The following ANKRD40CL variants were observed in gnomAD, a reference collection of about 807,000 sequenced individuals.
ANKRD40CL encodes the protein ANKRD40 C-terminal like.
For missense variants in ANKRD40CL, 11 were observed against 6.4 expected, an observed-to-expected ratio of 1.71 and a Z score of -0.77; for synonymous variants, 5 against 2.3, an observed-to-expected ratio of 2.14 and a Z score of -1.04.
chr17:50,766,071 C>T (rs541205660), intron 2 of ANKRD40CL, among the ~76,000 whole-genome samples: 191 of 152,304 alleles, frequency 1.3e-3, no homozygotes, highest in Non-Finnish European at 2.3e-3. Flanking sequence ...GTTTGTGCCA[C>T]CCTGCCAGAT....
rs1364725247 is a variant in ANKRD40CL at position 50,766,951 on chromosome 17, G to T, written c.-38C>A. The T allele has an allele frequency of 4.3e-6, 3 of 702,062 alleles. No individual in the cohort carries two copies. The highest frequency in any genetic ancestry group is 7.8e-6 in the Non-Finnish European group (3 of 384,822). The allele number at this position is 702,062 out of a possible 1,614,324, so 43.5% of individuals were successfully genotyped here. ...GTCCGTCAGATGTGCAGCCCCTCTC[G>T]CATTTATGCACAAGCTCCCAACCAA... is the stretch of plus-strand genomic sequence containing the variant. On this transcript the variant is annotated 5_prime_UTR_variant, in exon 2 of 4. Transcript: ENST00000450727.
intron 3 of ANKRD40CL, among the ~76,000 whole-genome samples, chr17:50,761,902 T>A (rs9897385): frequency 0.45 from 67,816 of 149,776 alleles, 16,083 homozygotes; most frequent in Non-Finnish European, 0.53. Flanking sequence ...GGATTACAGG[T>A]GTGAGCCACT....
intron 3 of ANKRD40CL, chr17:50,763,149 C>T: frequency 3.0e-6 from 1 of 333,392 alleles, no homozygotes; most frequent in South Asian, 1.5e-4. Context: ...CCCACCTCGG[C>T]CTCCCAAAGT....
Position 50,763,441 on chromosome 17 carries a change from G to A in ANKRD40CL, c.157C>T (p.Arg53Ter), listed in dbSNP as rs143031243. The part of the protein sequence containing the change: ...SCCELGIKPE[R>*]VEKIRKLPNT... ...GGTAGCTTTCTGATCTTCTCCACTC[G>A]TTCTGGTTTAATCCCCAGTTCACAG... The change falls in exon 3 of 4, where the codon CGA becomes TGA. Residue 53 changes from arginine (R) to a stop codon, truncating the protein, a stop_gained. Coordinates refer to ENST00000450727, the MANE Select transcript of ANKRD40CL (RefSeq NM_001358683.3). LOFTEE classifies it low-confidence loss of function (END_TRUNC). 4,634 of 398,978 alleles carry A rather than the reference G, an allele frequency of 0.012. 31 individuals are homozygous for A. Among genetic ancestry groups the A allele is most frequent in the Middle Eastern group, 0.021 (34 of 1,588 alleles). The allele number at this position is 398,978 out of a possible 1,614,324, so 24.7% of individuals were successfully genotyped here.
rs1380885193 is a variant in ANKRD40CL, at chr17:50,763,568, A to G, written c.41-11T>C. The G allele has an allele frequency of 2.5e-6, 1 of 398,954 alleles. No homozygotes were observed. The highest frequency in any genetic ancestry group is 3.6e-5 in the East Asian group (1 of 28,090). 24.7% of individuals were successfully genotyped at this position (398,954 alleles called of 1,614,324 possible). A position where few individuals can be genotyped will look rare whatever the true frequency, so the allele number is the denominator to read the frequency against. ...GGTTCTGAATTCTGACTTTAAACACAAGCTCTAAATCACCCATAAATTCAA... is the reference window on the plus strand; with the variant it reads ...GGTTCTGAATTCTGACTTTAAACACGAGCTCTAAATCACCCATAAATTCAA... On this transcript the variant is annotated splice_polypyrimidine_tract_variant and intron_variant, in intron 2 of 3. Transcript: ENST00000450727.
At chr17:50,766,367 C>G (rs1007674215) in intron 2 of ANKRD40CL, among the ~76,000 whole-genome samples, 1 of 152,136 alleles carries the variant, frequency 6.6e-6, no homozygotes, top group Non-Finnish European at 1.5e-5. Context: ...ACACACAGCC[C>G]GAGAACTTTC....
At chr17:50,763,976 C>G in intron 2 of ANKRD40CL, 1 of 394,010 alleles carries the variant, frequency 2.5e-6, no homozygotes, top group Non-Finnish European at 4.5e-6. Flanking sequence ...AGGAGCAAAT[C>G]GCTCTTGAGA....
chr17:50,763,143 C>G, intron 3 of ANKRD40CL: 1 of 322,656 alleles, frequency 3.1e-6, no homozygotes, highest in Non-Finnish European at 5.6e-6. Context: ...GATCTGCCCA[C>G]CTCGGCCTCC....
intron 3 of ANKRD40CL, chr17:50,762,906 G>A (rs1971226607): frequency 6.7e-6 from 1 of 149,800 alleles, no homozygotes; most frequent in Non-Finnish European, 1.5e-5. Context: ...TCAGAGGTTT[G>A]TTTTTTTTTG....
chr17:50,767,034 T>C (rs975025114), intron 1 of ANKRD40CL, 23 bp from the exon 2 acceptor site: 3 of 701,746 alleles, frequency 4.3e-6, no homozygotes, highest in Non-Finnish European at 7.8e-6. Context: ...AACAGTGTGT[T>C]CTTGCCAGCC....
At chr17:50,765,381 C>A (rs908937073) in intron 2 of ANKRD40CL, among the ~76,000 whole-genome samples, 2 of 152,160 alleles carry the variant, frequency 1.3e-5, no homozygotes, top group African/African-American at 4.8e-5. Context: ...CCAAGCCATT[C>A]TGGTTTTTAG....
In ANKRD40CL at chr17:50,761,031, TG is replaced by T. The variant is rs1452216445; in HGVS notation, c.*331del. ...ATTTCAGTTTTTTAATTCCTGGGATTGATTATTTATTTATTTATTTATTTTG... is the reference window on the plus strand; with the variant it reads ...ATTTCAGTTTTTTAATTCCTGGGATTATTATTTATTTATTTATTTATTTTG... On this transcript the variant is annotated 3_prime_UTR_variant, in exon 4 of 4. Transcript: ENST00000450727. The T allele has an allele frequency of 1.3e-4, 18 of 136,984 alleles. No individual in the cohort carries two copies. The South Asian group carries it at 2.4e-3, about 18-fold the overall frequency. The allele number at this position is 136,984 out of a possible 1,614,324, so 8.5% of individuals were successfully genotyped here. A position where few individuals can be genotyped will look rare whatever the true frequency, so the allele number is the denominator to read the frequency against.
intron 2 of ANKRD40CL, chr17:50,763,853 A>C: frequency 2.7e-6 from 1 of 371,016 alleles, no homozygotes; most frequent in East Asian, 3.9e-5. Context: ...ATTTAAACAC[A>C]TCACCCTTGG....
intron 3 of ANKRD40CL, among the ~76,000 whole-genome samples, chr17:50,762,660 T>TTTGG: frequency 6.6e-6 from 1 of 152,172 alleles, no homozygotes; most frequent in Non-Finnish European, 1.5e-5. Flanking sequence ...TTTCCAAAAT[T>TTTGG]AAAAATTAAG....
intron 3 of ANKRD40CL, among the ~76,000 whole-genome samples, chr17:50,762,186 G>T (rs1031882873): frequency 5.3e-5 from 8 of 152,160 alleles, no homozygotes; most frequent in African/African-American, 1.7e-4. Context: ...CTCCCAAAGT[G>T]CTGGGATTAC....
rs372105050 is a variant in ANKRD40CL, at chr17:50,761,246, A to G, written c.*117T>C. 31 of 385,548 alleles carry G rather than the reference A, an allele frequency of 8.0e-5. No individual in the cohort carries two copies. Among genetic ancestry groups the G allele is most frequent in the Non-Finnish European group, 1.2e-4 (26 of 218,438 alleles). 23.9% of individuals were successfully genotyped at this position (385,548 alleles called of 1,614,324 possible). A position where few individuals can be genotyped will look rare whatever the true frequency, so the allele number is the denominator to read the frequency against. ...TTTTTAGTAGAGACTGGGTTTCACT[A>G]TATGTTGGCCAGGCTGGTCTAGAAC... On this transcript the variant is annotated 3_prime_UTR_variant, in exon 4 of 4. Transcript: ENST00000450727.
At chr17:50,763,889 T>C (rs1971250353) in intron 2 of ANKRD40CL, 3 of 377,392 alleles carry the variant, frequency 7.9e-6, no homozygotes, top group Non-Finnish European at 1.4e-5. Context: ...TGCTCATACC[T>C]TGTTGCTTAT....
In ANKRD40CL at chr17:50,766,910, C is replaced by T; in HGVS notation, c.4G>A (p.Ala2Thr). M[A>T]EPEQDIGEKP... ...TCCCCGATGTCCTGTTCCGGTTCAG[C>T]CATGAGTCACCTCTAGTCCGTCAGA... Residue 2 changes from alanine to threonine, a missense_variant, in exon 2 of 4, where the codon GCT becomes ACT. Physicochemically the swap from Ala to Thr is moderately conservative, Grantham distance 58. Coordinates refer to ENST00000450727, the MANE Select transcript of ANKRD40CL (RefSeq NM_001358683.3). 1.4e-6 allele frequency: 1 copy of T among 692,028 alleles called. No individual in the cohort carries two copies. Among genetic ancestry groups the T allele is most frequent in the Non-Finnish European group, 2.6e-6 (1 of 378,534 alleles). The allele number at this position is 692,028 out of a possible 1,614,324, so 42.9% of individuals were successfully genotyped here.
At position 50,766,923 on chromosome 17, in the gene ANKRD40CL, C is replaced by T. The variant is rs1223232052; in HGVS notation, c.-10G>A. The T allele has an allele frequency of 1.4e-6, 1 of 699,102 alleles. No individual in the cohort carries two copies. The highest frequency in any genetic ancestry group is 2.6e-6 in the Non-Finnish European group (1 of 382,976). The allele number at this position is 699,102 out of a possible 1,614,324, so 43.3% of individuals were successfully genotyped here. A position where few individuals can be genotyped will look rare whatever the true frequency, so the allele number is the denominator to read the frequency against. ...GTTCCGGTTCAGCCATGAGTCACCT[C>T]TAGTCCGTCAGATGTGCAGCCCCTC... On this transcript the variant is annotated 5_prime_UTR_variant, in exon 2 of 4. The change abolishes the stop of an existing upstream ORF in the 5' untranslated region. Coordinates refer to ENST00000450727, the MANE Select transcript of ANKRD40CL (RefSeq NM_001358683.3).
Sources: allele counts gnomAD v4.1 joint callset (sites outside exome capture counted in the v4.1 genomes callset), GRCh38; gene constraint gnomAD v4.1.1; transcripts MANE v1.5; gene names NCBI Gene and HGNC (gene_info 2026-07-23, HGNC 2026-07-21).